Variants in CREB5 observed in about 807,000 individuals in gnomAD.
CREB5 encodes the protein cyclic AMP-responsive element-binding protein 5.
In CREB5, 19 loss-of-function variants were observed where a neutral mutation model predicts 57.1. The ratio of observed to expected loss-of-function variants is 0.33; its 90% confidence interval spans 0.23 to 0.49. The LOEUF (loss-of-function observed/expected upper bound fraction) is 0.49. Ranked by LOEUF, CREB5 falls within the 20% of genes least tolerant of loss-of-function variation. The probability of loss-of-function intolerance (pLI) is 0.99; values close to 1 mark genes in which losing one functional copy is unlikely to be tolerated. For synonymous variants in CREB5, 238 were observed against 238.3 expected, an observed-to-expected ratio of 1.00 and a Z score of 0.01; for missense variants, 579 against 671.6, an observed-to-expected ratio of 0.86 and a Z score of 1.52.
At chr7:28,359,795 T>C (rs1490921141) in intron 1 of CREB5, among the ~76,000 whole-genome samples, 1 of 151,904 alleles carries the variant, frequency 6.6e-6, no homozygotes, top group Non-Finnish European at 1.5e-5. Context: ...ATATACAAAT[T>C]AGAAAAAATA....
At chr7:28,653,621 A>G (rs1258914855) in intron 5 of CREB5, among the ~76,000 whole-genome samples, 1 of 152,212 alleles carries the variant, frequency 6.6e-6, no homozygotes, top group Non-Finnish European at 1.5e-5. Context: ...GAATGAATCC[A>G]TAGGCATTCA....
chr7:28,523,702 G>T (rs1367127397), intron 4 of CREB5, among the ~76,000 whole-genome samples: 2 of 152,174 alleles, frequency 1.3e-5, no homozygotes, highest in Non-Finnish European at 2.9e-5. Flanking sequence ...TGCTGTGCTT[G>T]CCCATGCAGT....
intron 7 of CREB5, among the ~76,000 whole-genome samples, chr7:28,771,569 G>A (rs1041524707): frequency 7.9e-5 from 12 of 152,234 alleles, no homozygotes; most frequent in Admixed American, 3.3e-4. Flanking sequence ...CTCCCGGTAC[G>A]TGTGAGGAGC....
intron 5 of CREB5, among the ~76,000 whole-genome samples, chr7:28,605,273 T>G (rs894073570): frequency 3.9e-5 from 6 of 152,212 alleles, no homozygotes; most frequent in African/African-American, 1.4e-4. Flanking sequence ...TTGGAAATTT[T>G]TACTTTAAGT....
At chr7:28,718,613 T>A in intron 5 of CREB5, 140 bp from the exon 6 acceptor site, 1 of 1,143,120 alleles carries the variant, frequency 8.7e-7, no homozygotes, top group Non-Finnish European at 1.2e-6. Context: ...ATTTCCCTAA[T>A]ATCCTCAATT....
chr7:28,390,700 A>G (rs965555198), intron 1 of CREB5, among the ~76,000 whole-genome samples: 1 of 152,186 alleles, frequency 6.6e-6, no homozygotes, highest in Non-Finnish European at 1.5e-5. Flanking sequence ...AAAGACTTGG[A>G]AAGTGTCACA....
At chr7:28,669,488 C>T (rs2128718229) in intron 5 of CREB5, among the ~76,000 whole-genome samples, 1 of 152,294 alleles carries the variant, frequency 6.6e-6, no homozygotes, top group Middle Eastern at 3.4e-3. Flanking sequence ...TTTCTCAGTT[C>T]TGGTAAATGT....
intron 1 of CREB5, among the ~76,000 whole-genome samples, chr7:28,307,643 G>A (rs1451294602): frequency 2.0e-5 from 3 of 152,252 alleles, no homozygotes; most frequent in African/African-American, 7.2e-5. Flanking sequence ...AATGCCACTG[G>A]AAATTAGTTG....
At chr7:28,318,180 A>G (rs1348608263) in intron 1 of CREB5, among the ~76,000 whole-genome samples, 2 of 152,208 alleles carry the variant, frequency 1.3e-5, no homozygotes. Context: ...AATCTACCAC[A>G]GCCTATGTTT....
At chr7:28,701,750 C>G (rs1801870366) in intron 5 of CREB5, among the ~76,000 whole-genome samples, 2 of 152,096 alleles carry the variant, frequency 1.3e-5, no homozygotes, top group African/African-American at 4.8e-5. Flanking sequence ...TTTGTAATTG[C>G]TCCATAAGTA....
intron 4 of CREB5, among the ~76,000 whole-genome samples, chr7:28,515,169 G>C (rs1792890820): frequency 6.6e-6 from 1 of 152,098 alleles, no homozygotes; most frequent in Non-Finnish European, 1.5e-5. Flanking sequence ...TCAGTTAACT[G>C]GGAATAATTA....
chr7:28,627,504 A>G (rs1196174792), intron 5 of CREB5, among the ~76,000 whole-genome samples: 1 of 152,310 alleles, frequency 6.6e-6, no homozygotes, highest in Admixed American at 6.5e-5. Flanking sequence ...GTTGCAAAAC[A>G]CTGGGCTGAA....
intron 4 of CREB5, among the ~76,000 whole-genome samples, chr7:28,524,323 A>ACACACC: frequency 9.7e-6 from 1 of 103,270 alleles, no homozygotes; most frequent in East Asian, 2.7e-4. Flanking sequence ...CTAAACACAC[A>ACACACC]CACACACACA....
intron 1 of CREB5, among the ~76,000 whole-genome samples, chr7:28,376,739 C>A (rs1427769169): frequency 1.3e-5 from 2 of 152,194 alleles, no homozygotes; most frequent in Non-Finnish European, 2.9e-5. Flanking sequence ...AGTCTCCCTT[C>A]AGCCTCATAT....
rs541824988 is a variant in CREB5 at position 28,560,653 on chromosome 7, C to G, written c.292-9712C>G. Reference sequence around the variant, plus strand: ...AAGGCAGATGTGGGAACCATGAAGACAAAATCGACAGACTGGAGAAGTTCA... The same window carrying G: ...AAGGCAGATGTGGGAACCATGAAGAGAAAATCGACAGACTGGAGAAGTTCA... On this transcript the variant is annotated intron_variant, in intron 4 of 10. Transcript: ENST00000357727. Among the ~76,000 whole-genome samples, 10 of 152,048 alleles carry G rather than the reference C, an allele frequency of 6.6e-5. No homozygotes were observed. The South Asian group carries it at 2.1e-3, about 32-fold the overall frequency.
intron 5 of CREB5, among the ~76,000 whole-genome samples, chr7:28,708,022 A>G (rs1413120112): frequency 2.0e-5 from 3 of 152,040 alleles, no homozygotes; most frequent in Non-Finnish European, 2.9e-5. Context: ...CCTTCTCCCC[A>G]TGATGCCTGA....
At chr7:28,407,020 T>C (rs965783012) in intron 1 of CREB5, among the ~76,000 whole-genome samples, 4 of 152,140 alleles carry the variant, frequency 2.6e-5, no homozygotes, top group African/African-American at 9.7e-5. Flanking sequence ...GTACTTGCCC[T>C]GTGCCAAACA....
intron 4 of CREB5, among the ~76,000 whole-genome samples, chr7:28,520,630 A>G (rs530202688): frequency 1.3e-5 from 2 of 152,330 alleles, no homozygotes; most frequent in East Asian, 3.9e-4. Context: ...TGGCACAGAG[A>G]GAGGGGATAA....
rs5883165 is a variant in CREB5, at chr7:28,717,086, C to CTTTTTTTTT, written c.465-1656_465-1648dup. 1.1e-3 allele frequency among the ~76,000 whole-genome samples: 126 copies of CTTTTTTTTT among 110,200 alleles called. 5 individuals are homozygous for CTTTTTTTTT. The highest frequency in any genetic ancestry group is 3.3e-3 in the African/African-American group (92 of 27,986). 72.3% of individuals were successfully genotyped at this position (110,200 alleles called of 152,430 possible). A position where few individuals can be genotyped will look rare whatever the true frequency, so the allele number is the denominator to read the frequency against. ...AATCTCTGCGGAAAGGCTTTATATTCTTTTTTTTTTTTTTTTTTTGAGATG... is the reference window on the plus strand; with the variant it reads ...AATCTCTGCGGAAAGGCTTTATATTCTTTTTTTTTTTTTTTTTTTTTTTTTTTTGAGATG... On this transcript the variant is annotated intron_variant, in intron 5 of 10. Transcript: ENST00000357727.
Sources: allele counts gnomAD v4.1 joint callset (sites outside exome capture counted in the v4.1 genomes callset), GRCh38; gene constraint gnomAD v4.1.1; transcripts MANE v1.5; gene names NCBI Gene and HGNC (gene_info 2026-07-23, HGNC 2026-07-21).